Variants in MBNL3 observed in about 807,000 individuals in gnomAD.
The protein encoded by MBNL3 is muscleblind-like protein 3.
Under a neutral mutation model 24.5 loss-of-function variants are expected in MBNL3, and 6 were observed. The observed-to-expected ratio is 0.25, with a 90% CI of 0.13 to 0.48. MBNL3 has a LOEUF of 0.48. MBNL3 is among the 20% of genes least tolerant of loss of function. The pLI is 0.99. For synonymous variants in MBNL3, 100 were observed against 101.7 expected (o/e 0.98, Z 0.10); for missense variants, 230 against 293.5 (o/e 0.78, Z 1.58).
chrX:132,429,516 C>T (rs1944566280), intron 2 of MBNL3, among the ~76,000 whole-genome samples: 1 of 111,805 alleles, frequency 8.9e-6, no homozygotes, highest in Non-Finnish European at 1.9e-5. Context: ...TTCTCTTCTG[C>T]CTTATTTTCA....
rs1390893253 is a variant in MBNL3 at position 132,376,581 on chromosome X, A to G, written c.*3085T>C. On this transcript the variant is annotated 3_prime_UTR_variant, in exon 9 of 9. Coordinates refer to ENST00000370853, the MANE Select transcript of MBNL3 (RefSeq NM_001386889.1). ...GGATAAATAGAGGCCCCTGTAAAAT[A>G]CAAAGCTTATAAAATGTTAACTAAG... 1 of 111,686 alleles carries G rather than the reference A, an allele frequency of 9.0e-6. No individual in the cohort carries two copies. Among genetic ancestry groups the G allele is most frequent in the African/African-American group, 3.2e-5 (1 of 30,836 alleles). 9.2% of individuals were successfully genotyped at this position (111,686 alleles called of 1,213,427 possible). A position where few individuals can be genotyped will look rare whatever the true frequency, so the allele number is the denominator to read the frequency against.
intron 1 of MBNL3, among the ~76,000 whole-genome samples, chrX:132,486,403 C>T (rs1248335248): frequency 9.0e-6 from 1 of 111,547 alleles, no homozygotes; most frequent in East Asian, 2.8e-4. Flanking sequence ...AAAGACAAAA[C>T]CTTTTTTATT....
intron 1 of MBNL3, among the ~76,000 whole-genome samples, chrX:132,449,874 C>T (rs1945970962): frequency 9.4e-6 from 1 of 106,336 alleles, no homozygotes; most frequent in Non-Finnish European, 1.9e-5. Context: ...TCAGCATTTG[C>T]TTGTCTGTAA....
intron 2 of MBNL3, 24 bp from the exon 3 acceptor site, chrX:132,406,416 TATTAA>T: frequency 2.6e-6 from 3 of 1,153,398 alleles, no homozygotes; most frequent in South Asian, 2.1e-5. Flanking sequence ...ATAGGGAAAA[TATTAA>T]ATTAAAACTA....
intron 3 of MBNL3, among the ~76,000 whole-genome samples, chrX:132,403,841 G>C (rs1941353444): frequency 9.0e-6 from 1 of 111,672 alleles, no homozygotes; most frequent in South Asian, 3.8e-4. Context: ...AAAGATAAAT[G>C]CTCCAGCTCT....
chrX:132,485,522 T>A (rs1390006522), intron 1 of MBNL3, among the ~76,000 whole-genome samples: 2 of 112,381 alleles, frequency 1.8e-5, no homozygotes, highest in African/African-American at 6.5e-5. Context: ...ACCTTATTTA[T>A]CCTAATTCTC....
Position 132,383,333 on chromosome X carries a change from A to G in MBNL3, c.959-1061T>C, listed in dbSNP as rs150267501. ...CCCTTCCATTTATCTCTAGTTACCC[A>G]TTACCCAGAGCCATCCCTGTTGTCT... On this transcript the variant is annotated intron_variant, in intron 7 of 8. Transcript: ENST00000370853. Among the ~76,000 whole-genome samples, 663 of 112,029 alleles carry G rather than the reference A, an allele frequency of 5.9e-3. 5 individuals are homozygous for G. Among genetic ancestry groups the G allele is most frequent in the Non-Finnish European group, 9.0e-3 (477 of 53,205 alleles).
chrX:132,442,570 C>A (rs1451457352), intron 1 of MBNL3, among the ~76,000 whole-genome samples: 2 of 112,225 alleles, frequency 1.8e-5, no homozygotes, highest in Non-Finnish European at 3.8e-5. Flanking sequence ...TCTATCTATA[C>A]AAGATCTGCT....
intron 2 of MBNL3, among the ~76,000 whole-genome samples, chrX:132,421,816 T>C (rs1603235024): frequency 1.8e-5 from 2 of 111,653 alleles, no homozygotes; most frequent in Non-Finnish European, 3.8e-5. Context: ...TGTTATATTT[T>C]ACTTATAACA....
chrX:132,412,681 T>C (rs1252120665), intron 2 of MBNL3, among the ~76,000 whole-genome samples: 1 of 112,408 alleles, frequency 8.9e-6, no homozygotes, highest in Non-Finnish European at 1.9e-5. Context: ...CCTGCCTCAC[T>C]AATAACCCAA....
At chrX:132,404,272 A>C (rs1941429144) in intron 3 of MBNL3, among the ~76,000 whole-genome samples, 1 of 111,910 alleles carries the variant, frequency 8.9e-6, no homozygotes, top group Non-Finnish European at 1.9e-5. Context: ...GAAAAAATAG[A>C]AGCTGCCTTG....
In MBNL3 at chrX:132,375,256, T is replaced by G. The variant is rs1159928073; in HGVS notation, c.*4410A>C. 1 of 111,864 alleles carries G rather than the reference T, an allele frequency of 8.9e-6. No homozygotes were observed. Among genetic ancestry groups the G allele is most frequent in the Non-Finnish European group, 1.9e-5 (1 of 52,999 alleles). The allele number at this position is 111,864 out of a possible 1,213,427, so 9.2% of individuals were successfully genotyped here. A position where few individuals can be genotyped will look rare whatever the true frequency, so the allele number is the denominator to read the frequency against. Reference sequence around the variant, plus strand: ...GTAATTTTGTTGCCAAAGCAACAACTAAATATAATTAGATAACAATTATTA... The same window carrying G: ...GTAATTTTGTTGCCAAAGCAACAACGAAATATAATTAGATAACAATTATTA... On this transcript the variant is annotated 3_prime_UTR_variant, in exon 9 of 9. Transcript: ENST00000370853.
intron 1 of MBNL3, among the ~76,000 whole-genome samples, chrX:132,478,623 G>T (rs752264904): frequency 8.9e-6 from 1 of 112,367 alleles, no homozygotes; most frequent in East Asian, 2.8e-4. Flanking sequence ...TGAAATAACA[G>T]TCTCACCCAA....
At chrX:132,427,774 G>A (rs1197853477) in intron 2 of MBNL3, among the ~76,000 whole-genome samples, 1 of 111,780 alleles carries the variant, frequency 8.9e-6, no homozygotes, top group Non-Finnish European at 1.9e-5. Flanking sequence ...TTGCATTTTT[G>A]CACGCTAAGA....
chrX:132,397,197 TA>T (rs1939934878), intron 3 of MBNL3, among the ~76,000 whole-genome samples: 1 of 108,544 alleles, frequency 9.2e-6, no homozygotes, highest in African/African-American at 3.3e-5. Flanking sequence ...GTAAAAATTT[TA>T]AAAGCCACCA....
In MBNL3 at chrX:132,375,864, C is replaced by T. The variant is rs138456610; in HGVS notation, c.*3802G>A. 27 of 111,883 alleles carry T rather than the reference C, an allele frequency of 2.4e-4. No individual in the cohort carries two copies. Among genetic ancestry groups the T allele is most frequent in the African/African-American group, 8.1e-4 (25 of 30,891 alleles). 9.2% of individuals were successfully genotyped at this position (111,883 alleles called of 1,213,427 possible). A position where few individuals can be genotyped will look rare whatever the true frequency, so the allele number is the denominator to read the frequency against. On this transcript the variant is annotated 3_prime_UTR_variant, in exon 9 of 9. Transcript: ENST00000370853. ...TTACCTAAGAGCATCCTTATCTATA[C>T]TCTGCAATGAGGGGGACAAAGAACC...
chrX:132,465,582 T>A (rs758627227), intron 1 of MBNL3, among the ~76,000 whole-genome samples: 7 of 112,337 alleles, frequency 6.2e-5, no homozygotes, highest in Non-Finnish European at 1.1e-4. Flanking sequence ...TCTTCGTTCT[T>A]CTTTTAGTCC....
chrX:132,470,624 G>C (rs1218867285), intron 1 of MBNL3, among the ~76,000 whole-genome samples: 1 of 111,894 alleles, frequency 8.9e-6, no homozygotes, highest in African/African-American at 3.2e-5. Context: ...TTAAAAGTCT[G>C]AAACATTTAG....
chrX:132,396,627 CAT>C (rs377498849), intron 3 of MBNL3, among the ~76,000 whole-genome samples: 1 of 35,136 alleles, frequency 2.8e-5, no homozygotes, highest in African/African-American at 1.3e-4. Flanking sequence ...TATATATATT[CAT>C]ATATATTCAC....
Sources: allele counts gnomAD v4.1 joint callset (sites outside exome capture counted in the v4.1 genomes callset), GRCh38; gene constraint gnomAD v4.1.1; transcripts MANE v1.5; gene names NCBI Gene and HGNC (gene_info 2026-07-23, HGNC 2026-07-21).